The following LEPR variants were observed in gnomAD, a reference collection of about 807,000 sequenced individuals.
LEPR encodes the protein OB receptor.
Under a neutral mutation model 114.7 loss-of-function variants are expected in LEPR, and 56 were observed. The ratio of observed to expected loss-of-function variants is 0.49; its 90% CI spans 0.39 to 0.61. LEPR has a LOEUF of 0.61. LEPR is among the 20% of genes least tolerant of loss of function. The pLI, the probability that LEPR is intolerant of heterozygous loss-of-function variation, is 0.00. For missense variants in LEPR, 1,202 were observed against 1,352.9 expected (o/e 0.89, Z 1.75); for synonymous variants, 443 against 461.4 (o/e 0.96, Z 0.51).
intron 3 of LEPR, among the ~76,000 whole-genome samples, chr1:65,569,388 T>C (rs1346854952): frequency 6.6e-6 from 1 of 152,138 alleles, no homozygotes; most frequent in African/African-American, 2.4e-5. Flanking sequence ...TTATGGAGAA[T>C]TATTTTATTT....
chr1:65,483,117 T>C lies in LEPR; in HGVS notation c.-21+57739T>C, dbSNP rs12087505. ...ACCATAAAGAGAAAGATTGGTAAAT[T>C]TGAGCACATTAAGAACCTCTGTTCA... On this transcript the variant is annotated intron_variant, in intron 2 of 19. Coordinates refer to ENST00000349533, the MANE Select transcript of LEPR (RefSeq NM_002303.6). Among the ~76,000 whole-genome samples, 593 of 152,152 alleles carry C rather than the reference T, an allele frequency of 3.9e-3. 9 individuals are homozygous for C. The highest frequency in any genetic ancestry group is 0.013 in the African/African-American group (556 of 41,516).
At chr1:65,635,456 A>G (rs1658684595) in intron 19 of LEPR, 1 of 787,800 alleles carries the variant, frequency 1.3e-6, no homozygotes, top group African/African-American at 1.9e-5. Flanking sequence ...TCTTCATTTC[A>G]CATGTCCATA....
At chr1:65,438,290 G>A (rs1254095435) in intron 2 of LEPR, among the ~76,000 whole-genome samples, 4 of 151,916 alleles carry the variant, frequency 2.6e-5, no homozygotes, top group Non-Finnish European at 5.9e-5. Flanking sequence ...GGTGGCTCAC[G>A]CCTGTAATCC....
chr1:65,510,294 T>C (rs984420358), intron 2 of LEPR, among the ~76,000 whole-genome samples: 1 of 152,172 alleles, frequency 6.6e-6, no homozygotes, highest in Non-Finnish European at 1.5e-5. Flanking sequence ...TGGGATTCTA[T>C]AGGGTGCAAG....
chr1:65,549,480 A>T (rs1057165626), intron 2 of LEPR, among the ~76,000 whole-genome samples: 7 of 152,182 alleles, frequency 4.6e-5, no homozygotes, highest in African/African-American at 1.7e-4. Context: ...CTTTTCACAT[A>T]GTCCCATATT....
chr1:65,528,020 G>A (rs373676996), intron 2 of LEPR, among the ~76,000 whole-genome samples: 37 of 152,224 alleles, frequency 2.4e-4, no homozygotes, highest in African/African-American at 8.4e-4. Context: ...CCTTTGTAAT[G>A]TGGGGACTTA....
intron 6 of LEPR, among the ~76,000 whole-genome samples, chr1:65,594,221 A>C (rs1317867186): frequency 6.6e-6 from 1 of 152,062 alleles, no homozygotes; most frequent in Non-Finnish European, 1.5e-5. Context: ...AATCCAGAGC[A>C]AAAGGTGCTC....
chr1:65,423,112 C>G (rs1238884405), intron 1 of LEPR, among the ~76,000 whole-genome samples: 1 of 151,972 alleles, frequency 6.6e-6, no homozygotes, highest in Non-Finnish European at 1.5e-5. Context: ...TGGTTTTACA[C>G]GTGTTACACA....
chr1:65,516,724 A>G (rs1211907577), intron 2 of LEPR, among the ~76,000 whole-genome samples: 1 of 152,244 alleles, frequency 6.6e-6, no homozygotes, highest in Non-Finnish European at 1.5e-5. Flanking sequence ...CATTTACTTA[A>G]ATCTAAGAAT....
At chr1:65,594,958 T>TGGG (rs1483156234) in intron 6 of LEPR, among the ~76,000 whole-genome samples, 2 of 152,094 alleles carry the variant, frequency 1.3e-5, no homozygotes, top group African/African-American at 4.8e-5. Flanking sequence ...TGCATATTAA[T>TGGG]ATTGTCAACC....
intron 2 of LEPR, among the ~76,000 whole-genome samples, chr1:65,500,888 C>T (rs1037031343): frequency 2.6e-5 from 4 of 152,180 alleles, no homozygotes; most frequent in South Asian, 4.1e-4. Flanking sequence ...GTCATGCCCT[C>T]TATGAAGTCT....
chr1:65,473,777 T>C (rs1465805292), intron 2 of LEPR, among the ~76,000 whole-genome samples: 1 of 152,202 alleles, frequency 6.6e-6, no homozygotes, highest in East Asian at 1.9e-4. Context: ...CAATAAATGG[T>C]ATTATTATTT....
chr1:65,474,131 A>C (rs578037174), intron 2 of LEPR, among the ~76,000 whole-genome samples: 4 of 152,316 alleles, frequency 2.6e-5, no homozygotes, highest in African/African-American at 9.6e-5. Flanking sequence ...TCACATATGT[A>C]ATTTTCCCTG....
chr1:65,584,004 A>G (rs921064962), intron 5 of LEPR, among the ~76,000 whole-genome samples: 2 of 152,144 alleles, frequency 1.3e-5, no homozygotes, highest in African/African-American at 2.4e-5. Context: ...AATGTTATTC[A>G]ATAAAATAGT....
chr1:65,636,115 C>T, intron 19 of LEPR, 76 bp from the exon 20 acceptor site: 1 of 1,504,084 alleles, frequency 6.6e-7, no homozygotes, highest in Non-Finnish European at 9.2e-7. Context: ...TAACACACTT[C>T]CATTTCTGCC....
intron 2 of LEPR, chr1:65,435,880 G>A: frequency 1.0e-6 from 1 of 984,016 alleles, no homozygotes; most frequent in African/African-American, 1.7e-5. Context: ...ATCCCACTGA[G>A]TAATAGCTCA....
At chr1:65,540,492 C>G (rs1485793920) in intron 2 of LEPR, among the ~76,000 whole-genome samples, 1 of 152,064 alleles carries the variant, frequency 6.6e-6, no homozygotes, top group African/African-American at 2.4e-5. Context: ...TTCTTCCACC[C>G]TCTCTTGCTC....
At chr1:65,616,757 A>G (rs1299139691) in intron 15 of LEPR, among the ~76,000 whole-genome samples, 1 of 152,126 alleles carries the variant, frequency 6.6e-6, no homozygotes, top group Non-Finnish European at 1.5e-5. Flanking sequence ...TATCTGATTA[A>G]TCGGAGAATT....
chr1:65,496,381 TGG>T (rs1223106124), intron 2 of LEPR, among the ~76,000 whole-genome samples: 12 of 152,104 alleles, frequency 7.9e-5, no homozygotes, highest in Non-Finnish European at 1.5e-4. Context: ...GAGACCAGCC[TGG>T]GCAAGTTGGC....
Sources: gnomAD v4.1 joint callset for allele counts (sites outside exome capture counted in the v4.1 genomes callset) on GRCh38, gnomAD v4.1.1 for gene constraint, MANE v1.5 for transcripts, NCBI Gene and HGNC (gene_info 2026-07-23, HGNC 2026-07-21) for gene names.